Variants in PIK3C2G observed in about 807,000 individuals in gnomAD.
The protein encoded by PIK3C2G is phosphatidylinositol 3-kinase C2 domain-containing subunit gamma.
In PIK3C2G, 168 loss-of-function variants were observed where a neutral mutation model predicts 181.1. The observed-to-expected ratio is 0.93, with a 90% CI of 0.82 to 1.05. PIK3C2G has a LOEUF of 1.05. Among genes scored for constraint, PIK3C2G ranks in the 50% least tolerant of loss-of-function variants. PIK3C2G has a pLI of 0.00. For synonymous variants in PIK3C2G, 573 were observed against 592.2 expected (o/e 0.97, Z 0.47); for missense variants, 1,869 against 1,732.8 (o/e 1.08, Z -1.40).
At chr12:18,278,508 C>T (rs1949078590) in intron 1 of PIK3C2G, among the ~76,000 whole-genome samples, 2 of 152,096 alleles carry the variant, frequency 1.3e-5, no homozygotes, top group South Asian at 2.1e-4. Flanking sequence ...TCCTCTTTGC[C>T]AGGTAACTTA....
intron 16 of PIK3C2G, among the ~76,000 whole-genome samples, chr12:18,410,960 C>T (rs1944836654): frequency 1.3e-5 from 2 of 152,116 alleles, no homozygotes; most frequent in African/African-American, 4.8e-5. Context: ...TTCACTAATA[C>T]AATGACCATC....
rs114938324 is a variant in PIK3C2G, at chr12:18,569,377, G to A, written c.4011+2320G>A. The stretch of plus-strand genomic sequence containing the variant: ...GATCCCAAGCAGAACACCCAGCTGA[G>A]CCCTCTCGAACACCTGAACTAAGAG... On this transcript the variant is annotated intron_variant, in intron 29 of 32. Coordinates refer to ENST00000538779, the MANE Select transcript of PIK3C2G (RefSeq NM_001288772.2). Among the ~76,000 whole-genome samples the A allele has an allele frequency of 9.1e-3, 1,377 of 152,154 alleles. 6 individuals are homozygous for A. Among genetic ancestry groups the A allele is most frequent in the African/African-American group, 0.019 (771 of 41,502 alleles).
At chr12:18,426,189 C>A (rs577517517) in intron 18 of PIK3C2G, among the ~76,000 whole-genome samples, 4 of 152,126 alleles carry the variant, frequency 2.6e-5, no homozygotes, top group South Asian at 2.1e-4. Context: ...AAAAAAAATT[C>A]TTTGCGATGT....
chr12:18,610,588 A>T (rs532365382), intron 31 of PIK3C2G, among the ~76,000 whole-genome samples: 7 of 152,120 alleles, frequency 4.6e-5, no homozygotes, highest in Non-Finnish European at 1.0e-4. Context: ...TATCTGGGCA[A>T]ATATTTTAAC....
At chr12:18,581,587 A>G (rs1361540644) in intron 29 of PIK3C2G, among the ~76,000 whole-genome samples, 1 of 152,226 alleles carries the variant, frequency 6.6e-6, no homozygotes, top group African/African-American at 2.4e-5. Context: ...CACTGGCTGA[A>G]CATTTACTGT....
intron 16 of PIK3C2G, among the ~76,000 whole-genome samples, chr12:18,405,347 G>A (rs1272064128): frequency 6.6e-6 from 1 of 152,052 alleles, no homozygotes; most frequent in East Asian, 1.9e-4. Flanking sequence ...GCTATAGAGA[G>A]GAAGTATAGA....
At chr12:18,421,064 C>T in intron 17 of PIK3C2G, 30 bp downstream of exon 17, 1 of 1,205,374 alleles carries the variant, frequency 8.3e-7, no homozygotes, top group Non-Finnish European at 1.2e-6. Context: ...TAAGGAAACC[C>T]AGGGTTTTAA....
At chr12:18,710,484 T>C in the PIK3C2G span, among the ~76,000 whole-genome samples, 5 of 152,120 alleles carry the variant, frequency 3.3e-5, no homozygotes, top group Middle Eastern at 3.4e-3. Flanking sequence ...TGTGAGTCAT[T>C]GTACAAATTT....
downstream of PIK3C2G, among the ~76,000 whole-genome samples, chr12:18,650,744 A>C (rs867756181): frequency 2.4e-5 from 1 of 41,964 alleles, no homozygotes; most frequent in African/African-American, 1.5e-4. Context: ...ATATATATAT[A>C]TATATATATA....
intron 22 of PIK3C2G, among the ~76,000 whole-genome samples, chr12:18,502,624 C>T (rs1941568179): frequency 6.6e-6 from 1 of 152,056 alleles, no homozygotes; most frequent in Non-Finnish European, 1.5e-5. Context: ...ACCTTACGAG[C>T]ACAATAAAAG....
rs1427888232 is a variant in PIK3C2G at position 18,282,575 on chromosome 12, A to C, written c.494A>C (p.His165Pro). ...NLEKELENEN[H>P]NYHIGFESSI... Reference sequence around the variant, plus strand: ...GAGAAAGAATTAGAAAATGAAAATCATAACTACCATATAGGATTTGAAAGT... The same window carrying C: ...GAGAAAGAATTAGAAAATGAAAATCCTAACTACCATATAGGATTTGAAAGT... The change falls in exon 2 of 33, where the codon CAT (histidine) becomes CCT (proline). Residue 165 changes from histidine (H) to proline (P), a missense_variant. His to Pro is a moderately conservative substitution (Grantham distance 77, BLOSUM62 -2). Coordinates refer to ENST00000538779, the MANE Select transcript of PIK3C2G (RefSeq NM_001288772.2). 1.2e-6 allele frequency: 2 copies of C among 1,611,832 alleles called. No individual in the cohort carries two copies. Among genetic ancestry groups the C allele is most frequent in the Non-Finnish European group, 1.7e-6 (2 of 1,178,404 alleles).
intron 11 of PIK3C2G, among the ~76,000 whole-genome samples, chr12:18,350,718 C>A: frequency 6.6e-6 from 1 of 152,072 alleles, no homozygotes; most frequent in Non-Finnish European, 1.5e-5. Context: ...ATATACCAAC[C>A]AAATATTGGC....
chr12:18,508,180 A>G (rs1194400489), intron 24 of PIK3C2G, among the ~76,000 whole-genome samples: 1 of 152,212 alleles, frequency 6.6e-6, no homozygotes, highest in Non-Finnish European at 1.5e-5. Context: ...TCCATGAGCC[A>G]TATGGATTAT....
upstream of PIK3C2G, among the ~76,000 whole-genome samples, chr12:18,259,718 CATAAT>C (rs747841868): frequency 2.0e-5 from 3 of 150,904 alleles, no homozygotes; most frequent in Non-Finnish European, 4.4e-5. Context: ...TTAATGTTAA[CATAAT>C]AGACAGGAAA....
chr12:18,588,844 A>T (rs1052168680), intron 29 of PIK3C2G, among the ~76,000 whole-genome samples: 2 of 152,136 alleles, frequency 1.3e-5, no homozygotes, highest in African/African-American at 2.4e-5. Context: ...AATCAACCTA[A>T]ATGCCCTCAA....
chr12:18,435,655 T>C (rs1946403590), intron 18 of PIK3C2G, among the ~76,000 whole-genome samples: 1 of 152,088 alleles, frequency 6.6e-6, no homozygotes, highest in Non-Finnish European at 1.5e-5. Flanking sequence ...TTGTAAGCCT[T>C]TCTACATCCA....
chr12:18,650,321 C>CTATATATA (rs1271149401), downstream of PIK3C2G, among the ~76,000 whole-genome samples: 2 of 87,754 alleles, frequency 2.3e-5, no homozygotes. Context: ...CTCTCTCTCT[C>CTATATATA]TCTCTCTCTC....
chr12:18,282,899 A>G (rs1350464369), intron 2 of PIK3C2G, 140 bp downstream of exon 2: 1 of 559,370 alleles, frequency 1.8e-6, no homozygotes, highest in African/African-American at 1.9e-5. Flanking sequence ...ATTTTCACAA[A>G]TGATGTGTTC....
the PIK3C2G span, chr12:18,684,288 T>TA: frequency 3.6e-4 from 570 of 1,594,462 alleles, 2 homozygotes; most frequent in Middle Eastern, 3.9e-3. Context: ...AGCTGAAATA[T>TA]AAAAAAAGAA....
Sources: allele counts gnomAD v4.1 joint callset (sites outside exome capture counted in the v4.1 genomes callset), GRCh38; gene constraint gnomAD v4.1.1; transcripts MANE v1.5; gene names NCBI Gene and HGNC (gene_info 2026-07-23, HGNC 2026-07-21).